Variants in INVS observed in about 807,000 individuals in gnomAD.
The protein encoded by INVS is inversin, also known as inversion of embryo turning homolog.
In INVS, 86 loss-of-function variants were observed where a neutral mutation model predicts 108.8. The observed-to-expected ratio is 0.79, with a 90% CI of 0.66 to 0.95. INVS has a LOEUF of 0.95. INVS is among the 40% of genes least tolerant of loss of function. The pLI, the probability that INVS is intolerant of heterozygous loss-of-function variation, is 0.00. For synonymous variants in INVS, 455 were observed against 473.5 expected (o/e 0.96, Z 0.51); for missense variants, 1,169 against 1,297.4 (o/e 0.90, Z 1.52).
Position 100,252,937 on chromosome 9 carries a change from A to C in INVS, c.1265A>C (p.Asp422Ala). 1 of 1,613,664 alleles carries C rather than the reference A, an allele frequency of 6.2e-7. No individual in the cohort carries two copies. The highest frequency in any genetic ancestry group is 8.5e-7 in the Non-Finnish European group (1 of 1,179,758). The change falls in exon 10 of 17, where the codon GAT becomes GCT. Residue 422 changes from aspartate (D) to alanine (A), a missense_variant. This residue lies in a region of INVS where 271 missense variants were observed against 363.8 expected (regional missense o/e 0.74). Coordinates refer to ENST00000262457, the MANE Select transcript of INVS (RefSeq NM_014425.5). ...GCAAGGGTAGATCTAGTTGACCAAG[A>C]TGGACATTCTCTTCTACATTGGGCA... ...GGARVDLVDQ[D>A]GHSLLHWAAL...
intron 3 of INVS, among the ~76,000 whole-genome samples, chr9:100,213,692 C>T (rs55662941): frequency 0.02 from 3,039 of 152,252 alleles, 89 homozygotes; most frequent in African/African-American, 0.07. Context: ...ATGAGCACCA[C>T]GTCTATGCTT....
intron 3 of INVS, among the ~76,000 whole-genome samples, chr9:100,159,872 C>T (rs573215230): frequency 6.6e-6 from 1 of 152,234 alleles, no homozygotes; most frequent in African/African-American, 2.4e-5. Context: ...CTGCTGTTGT[C>T]AGAATGGATG....
At chr9:100,103,679 G>A (rs1827082519) in intron 1 of INVS, among the ~76,000 whole-genome samples, 1 of 146,898 alleles carries the variant, frequency 6.8e-6, no homozygotes, top group South Asian at 2.2e-4. Context: ...GGAAAGGAGA[G>A]GCGAGGGGAG....
chr9:100,186,657 A>AGACAG, intron 3 of INVS, among the ~76,000 whole-genome samples: 1 of 151,756 alleles, frequency 6.6e-6, no homozygotes, highest in Non-Finnish European at 1.5e-5. Context: ...GGCCATTTGT[A>AGACAG]TATCTTTTTT....
chr9:100,229,858 G>C (rs778443158), intron 5 of INVS, 31 bp downstream of exon 5: 1 of 1,610,436 alleles, frequency 6.2e-7, no homozygotes, highest in Non-Finnish European at 8.5e-7. Context: ...AGACCTGAAT[G>C]GCCTTGAAAT....
At chr9:100,214,632 C>T (rs557092386) in intron 3 of INVS, among the ~76,000 whole-genome samples, 33 of 152,330 alleles carry the variant, frequency 2.2e-4, no homozygotes, top group Admixed American at 2.2e-3. Context: ...AGTCCCTTTG[C>T]TTCCATGTAT....
intron 3 of INVS, among the ~76,000 whole-genome samples, chr9:100,221,431 G>A (rs1831147567): frequency 6.6e-6 from 1 of 152,004 alleles, no homozygotes; most frequent in Non-Finnish European, 1.5e-5. Context: ...GCCTCCCAGA[G>A]TGCTAGGATT....
intron 9 of INVS, 59 bp downstream of exon 9, chr9:100,252,497 C>G: frequency 2.0e-6 from 3 of 1,479,830 alleles, no homozygotes; most frequent in Non-Finnish European, 2.8e-6. Flanking sequence ...TTCTTGCATA[C>G]TCTGTTTAAG....
chr9:100,162,333 C>T (rs761566632), intron 3 of INVS, among the ~76,000 whole-genome samples: 2 of 152,182 alleles, frequency 1.3e-5, no homozygotes, highest in Non-Finnish European at 2.9e-5. Flanking sequence ...AGCAGTCTTA[C>T]ATAACAAGAG....
At chr9:100,283,960 A>C (rs1833353061) in intron 12 of INVS, among the ~76,000 whole-genome samples, 1 of 152,164 alleles carries the variant, frequency 6.6e-6, no homozygotes, top group Non-Finnish European at 1.5e-5. Flanking sequence ...TTTCTGAAAC[A>C]GGAGAAAAAT....
chr9:100,204,317 A>G (rs1387967873), intron 3 of INVS, among the ~76,000 whole-genome samples: 1 of 152,228 alleles, frequency 6.6e-6, no homozygotes, highest in Non-Finnish European at 1.5e-5. Flanking sequence ...CTGCTATTTA[A>G]GCTGATGATA....
intron 12 of INVS, among the ~76,000 whole-genome samples, chr9:100,279,470 CGTT>C (rs1355043803): frequency 6.6e-6 from 1 of 152,162 alleles, no homozygotes; most frequent in Admixed American, 6.5e-5. Flanking sequence ...TGATCCCATT[CGTT>C]GTTAAGAGAG....
chr9:100,279,730 C>T (rs1833220619), intron 12 of INVS, among the ~76,000 whole-genome samples: 1 of 152,138 alleles, frequency 6.6e-6, no homozygotes, highest in Non-Finnish European at 1.5e-5. Flanking sequence ...GCATTTTAAT[C>T]ACATCTCTCA....
chr9:100,133,222 T>G (rs1174826385), intron 3 of INVS, among the ~76,000 whole-genome samples: 1 of 152,198 alleles, frequency 6.6e-6, no homozygotes, highest in African/African-American at 2.4e-5. Flanking sequence ...TAAACAAAAC[T>G]ATAGATTCAC....
intron 1 of INVS, among the ~76,000 whole-genome samples, chr9:100,100,934 TATA>T (rs1185517205): frequency 5.0e-4 from 22 of 44,364 alleles, no homozygotes; most frequent in Middle Eastern, 0.014. Context: ...ATATAATATA[TATA>T]ATATATATAC....
intron 3 of INVS, among the ~76,000 whole-genome samples, chr9:100,167,251 C>G (rs969698992): frequency 1.3e-5 from 2 of 152,018 alleles, no homozygotes. Context: ...TTTTCCATCT[C>G]AGAGTAAAAG....
intron 5 of INVS, among the ~76,000 whole-genome samples, chr9:100,232,973 C>T (rs543134793): frequency 6.6e-6 from 1 of 152,238 alleles, no homozygotes; most frequent in East Asian, 1.9e-4. Context: ...GATATTGATT[C>T]TCCCTGTCCA....
chr9:100,284,832 GTTTTT>G (rs530583139), intron 13 of INVS, among the ~76,000 whole-genome samples: 100 of 152,002 alleles, frequency 6.6e-4, no homozygotes, highest in African/African-American at 2.4e-3. Flanking sequence ...TTGATTTATG[GTTTTT>G]TGTTTTCTTT....
chr9:100,156,451 TG>T (rs1220303606), intron 3 of INVS, among the ~76,000 whole-genome samples: 1 of 151,832 alleles, frequency 6.6e-6, no homozygotes, highest in Non-Finnish European at 1.5e-5. Context: ...TTGGTAGAGA[TG>T]GGGTTTTGCC....
Sources: gnomAD v4.1 joint callset for allele counts (sites outside exome capture counted in the v4.1 genomes callset) on GRCh38, gnomAD v4.1.1 for gene constraint, gnomAD v4.1.1 regional missense constraint, MANE v1.5 for transcripts, NCBI Gene and HGNC (gene_info 2026-07-23, HGNC 2026-07-21) for gene names.